PLA2G4D: variants seen among roughly 807,000 people sequenced by gnomAD.
The protein encoded by PLA2G4D is cytosolic phospholipase A2 delta.
Under a neutral mutation model 94.4 loss-of-function variants are expected in PLA2G4D, and 80 were observed. The ratio of observed to expected loss-of-function variants is 0.85; its 90% CI spans 0.71 to 1.02. The LOEUF (loss-of-function observed/expected upper bound fraction) is 1.02. PLA2G4D is among the 50% of genes least tolerant of loss of function. PLA2G4D has a pLI of 0.00. For synonymous variants in PLA2G4D, 438 were observed against 440.9 expected (o/e 0.99, Z 0.08); for missense variants, 1,050 against 1,034.7 (o/e 1.01, Z -0.20).
chr15:42,093,558 T>G (rs761896642), intron 1 of PLA2G4D, among the ~76,000 whole-genome samples: 1 of 152,120 alleles, frequency 6.6e-6, no homozygotes, highest in Non-Finnish European at 1.5e-5. Flanking sequence ...CGTGGGTGGA[T>G]CCACCTGACC....
intron 8 of PLA2G4D, among the ~76,000 whole-genome samples, chr15:42,082,595 AT>A (rs1245134785): frequency 3.9e-5 from 6 of 152,358 alleles, no homozygotes; most frequent in Non-Finnish European, 8.8e-5. Flanking sequence ...GCATGTATAA[AT>A]TTATAAAGAC....
chr15:42,079,517 C>T lies in PLA2G4D; in HGVS notation c.1317+20G>A, dbSNP rs112756552. On this transcript the variant is annotated intron_variant, in intron 13 of 19. Coordinates refer to ENST00000290472, the MANE Select transcript of PLA2G4D (RefSeq NM_178034.4). ...CCGCGGTGCACACACGCGTCTCCCCCACGTGCGCAGGCGCCCTACCTGGCC... is the reference window on the plus strand; with the variant it reads ...CCGCGGTGCACACACGCGTCTCCCCTACGTGCGCAGGCGCCCTACCTGGCC... 4 of 1,575,590 alleles carry T rather than the reference C, an allele frequency of 2.5e-6. No individual in the cohort carries two copies. The highest frequency in any genetic ancestry group is 1.4e-5 in the African/African-American group (1 of 73,962).
chr15:42,091,475 G>A (rs932744363), intron 1 of PLA2G4D, among the ~76,000 whole-genome samples: 1 of 152,260 alleles, frequency 6.6e-6, no homozygotes, highest in Non-Finnish European at 1.5e-5. Flanking sequence ...TGGTCTAGCG[G>A]TGACGCCAGC....
rs773917547 is a variant in PLA2G4D, at chr15:42,070,712, G to C, written c.2043+5C>G. On this transcript the variant is annotated splice_donor_5th_base_variant and intron_variant, in intron 18 of 19. Coordinates refer to ENST00000290472, the MANE Select transcript of PLA2G4D (RefSeq NM_178034.4). ...AGAGGGGTTCCCCTGGGGTGACCAGGGTACCTCGAAGGGCGCAGATAGGGA... is the reference window on the plus strand; with the variant it reads ...AGAGGGGTTCCCCTGGGGTGACCAGCGTACCTCGAAGGGCGCAGATAGGGA... The C allele has an allele frequency of 6.4e-7, 1 of 1,552,614 alleles. No individual in the cohort carries two copies. Among genetic ancestry groups the C allele is most frequent in the Non-Finnish European group, 8.7e-7 (1 of 1,147,386 alleles).
chr15:42,080,942 C>G (rs1486614334), intron 12 of PLA2G4D, 55 bp downstream of exon 12: 14 of 1,583,634 alleles, frequency 8.8e-6, no homozygotes, highest in Non-Finnish European at 1.2e-5. Context: ...GGTGCCCACT[C>G]TGCCCCGCTA....
intron 1 of PLA2G4D, among the ~76,000 whole-genome samples, chr15:42,090,353 C>G (rs1595599974): frequency 1.3e-5 from 2 of 152,288 alleles, no homozygotes; most frequent in South Asian, 4.1e-4. Context: ...GTTGCAGATA[C>G]CAGGATGAAA....
At chr15:42,073,478 G>T (rs1319153380) in intron 13 of PLA2G4D, among the ~76,000 whole-genome samples, 4 of 152,218 alleles carry the variant, frequency 2.6e-5, no homozygotes, top group Non-Finnish European at 5.9e-5. Flanking sequence ...CCTTGGGAAG[G>T]ATTCTGCCGC....
Position 42,068,676 on chromosome 15 carries a change from C to A in PLA2G4D, c.*39G>T, listed in dbSNP as rs1392397781. 3.2e-6 allele frequency: 5 copies of A among 1,547,438 alleles called. No individual in the cohort carries two copies. The African/African-American group carries it at 4.1e-5, about 13-fold the overall frequency. ...GAGCCCAGCTACAGATCAGGTTATG[C>A]CCGCAGGCCCTGGAGGGTCCTGCAG... On this transcript the variant is annotated 3_prime_UTR_variant, in exon 20 of 20. Coordinates refer to ENST00000290472, the MANE Select transcript of PLA2G4D (RefSeq NM_178034.4).
chr15:42,076,507 A>G (rs1351412840), intron 13 of PLA2G4D, among the ~76,000 whole-genome samples: 1 of 152,224 alleles, frequency 6.6e-6, no homozygotes, highest in East Asian at 1.9e-4. Flanking sequence ...GAGAATACAT[A>G]AAGAATTCCT....
chr15:42,073,912 C>T (rs1242653017), intron 13 of PLA2G4D, among the ~76,000 whole-genome samples: 1 of 152,152 alleles, frequency 6.6e-6, no homozygotes, highest in African/African-American at 2.4e-5. Context: ...GTGTCAACCA[C>T]AGTCATCCTT....
rs1177742371 is a variant in PLA2G4D, at chr15:42,070,179, G to C, written c.2044-84C>G. 4 of 1,278,660 alleles carry C rather than the reference G, an allele frequency of 3.1e-6. No individual in the cohort carries two copies. The African/African-American group carries it at 4.7e-5, about 15-fold the overall frequency. The allele number at this position is 1,278,660 out of a possible 1,614,324, so 79.2% of individuals were successfully genotyped here. On this transcript the variant is annotated intron_variant, in intron 18 of 19. Coordinates refer to ENST00000290472, the MANE Select transcript of PLA2G4D (RefSeq NM_178034.4). Reference sequence around the variant, plus strand: ...GTTCCAGCCCACACCAGCTGCTTCAGTGTCAAGACAACAGCCTGGCTCTGT... The same window carrying C: ...GTTCCAGCCCACACCAGCTGCTTCACTGTCAAGACAACAGCCTGGCTCTGT...
rs755928978 is a variant in PLA2G4D at position 42,081,645 on chromosome 15, GACAC to G, written c.822-35_822-32del. ...GCAATGGAGGATCCAGGGGTCAGGG[GACAC>G]CTGCATAGCTCAGCCACTGGCTGGC... On this transcript the variant is annotated intron_variant, in intron 10 of 19. Coordinates refer to ENST00000290472, the MANE Select transcript of PLA2G4D (RefSeq NM_178034.4). 4.3e-6 allele frequency: 7 copies of G among 1,612,360 alleles called. No homozygotes were observed. In the South Asian group the frequency reaches 7.7e-5, roughly 18 times the overall value.
chr15:42,091,505 G>C (rs1279035178), intron 1 of PLA2G4D, among the ~76,000 whole-genome samples: 1 of 152,228 alleles, frequency 6.6e-6, no homozygotes, highest in Non-Finnish European at 1.5e-5. Flanking sequence ...GATGCCTGTT[G>C]CCAGGCGGAC....
intron 4 of PLA2G4D, among the ~76,000 whole-genome samples, chr15:42,085,816 G>C (rs1890132160): frequency 6.6e-6 from 1 of 152,212 alleles, no homozygotes; most frequent in East Asian, 1.9e-4. Flanking sequence ...ACAGCCAAAG[G>C]AGGCATGATG....
intron 13 of PLA2G4D, among the ~76,000 whole-genome samples, chr15:42,078,221 T>TC (rs892756048): frequency 1.3e-5 from 2 of 152,240 alleles, no homozygotes; most frequent in African/African-American, 4.8e-5. Context: ...TTGAATTTCT[T>TC]CCTGGGGGAC....
At chr15:42,085,280 G>A (rs1189533664) in intron 5 of PLA2G4D, 142 bp from the exon 6 acceptor site, 9 of 1,074,814 alleles carry the variant, frequency 8.4e-6, no homozygotes, top group Non-Finnish European at 1.3e-5. Context: ...CTTTGCAGGA[G>A]GAGAGGGGAG....
Position 42,086,194 on chromosome 15 carries a change from T to TGGGGGGGGGCGGCC in PLA2G4D, c.387+18_387+19insGGCCGCCCCCCCCC. On this transcript the variant is annotated intron_variant, in intron 4 of 19. Transcript: ENST00000290472. ...GGAAGAAGTGGGGCCCACGGGGACT[T>TGGGGGGGGGCGGCC]CCCCACCCACCCACCCACCTGGGGA... The TGGGGGGGGGCGGCC allele has an allele frequency of 7.3e-7, 1 of 1,370,444 alleles. No individual in the cohort carries two copies. Among genetic ancestry groups the TGGGGGGGGGCGGCC allele is most frequent in the South Asian group, 1.5e-5 (1 of 66,866 alleles). The allele number at this position is 1,370,444 out of a possible 1,614,324, so 84.9% of individuals were successfully genotyped here. A position where few individuals can be genotyped will look rare whatever the true frequency, so the allele number is the denominator to read the frequency against.
At chr15:42,075,025 G>C (rs2141094927) in intron 13 of PLA2G4D, among the ~76,000 whole-genome samples, 1 of 152,292 alleles carries the variant, frequency 6.6e-6, no homozygotes, top group East Asian at 1.9e-4. Context: ...CCATGTTCAA[G>C]CTATCCTCCC....
chr15:42,083,567 G>A (rs1046857631), intron 7 of PLA2G4D, 149 bp downstream of exon 7: 6 of 1,102,098 alleles, frequency 5.4e-6, no homozygotes, highest in African/African-American at 1.5e-5. Flanking sequence ...CTGCCCAGCG[G>A]AGATGCGTGG....
Sources: allele counts gnomAD v4.1 joint callset (sites outside exome capture counted in the v4.1 genomes callset), GRCh38; gene constraint gnomAD v4.1.1; transcripts MANE v1.5; gene names NCBI Gene and HGNC (gene_info 2026-07-23, HGNC 2026-07-21).